Variants in SETBP1 observed in about 807,000 individuals in gnomAD.
The protein encoded by SETBP1 is SET-binding protein.
Under a neutral mutation model 101.0 loss-of-function variants are expected in SETBP1, and 9 were observed. The observed-to-expected ratio is 0.09, with a 90% CI of 0.05 to 0.16. The LOEUF (loss-of-function observed/expected upper bound fraction) is 0.16. SETBP1 is among the 10% of genes least tolerant of loss of function. SETBP1 has a pLI of 1.00. For missense variants in SETBP1, 1,858 were observed against 2,033.8 expected (o/e 0.91, Z 1.66); for synonymous variants, 818 against 788.5 (o/e 1.04, Z -0.63).
chr18:44,907,740 G>A (rs2070208419), intron 3 of SETBP1, among the ~76,000 whole-genome samples: 1 of 152,064 alleles, frequency 6.6e-6, no homozygotes, highest in African/African-American at 2.4e-5. Flanking sequence ...TATGTGTTCT[G>A]GATAGAAGTC....
At chr18:44,876,421 A>G in intron 3 of SETBP1, 2 of 616,462 alleles carry the variant, frequency 3.2e-6, no homozygotes, top group South Asian at 4.8e-5. Flanking sequence ...CCTTGGCTGC[A>G]GACAGGAATT....
At chr18:44,760,781 C>T (rs972337466) in intron 2 of SETBP1, among the ~76,000 whole-genome samples, 3 of 151,992 alleles carry the variant, frequency 2.0e-5, no homozygotes, top group East Asian at 3.9e-4. Context: ...TTTTTTAACT[C>T]GCAGTAAAAT....
intron 2 of SETBP1, among the ~76,000 whole-genome samples, chr18:44,722,297 G>A (rs199566478): frequency 1.2e-4 from 18 of 152,114 alleles, no homozygotes; most frequent in South Asian, 2.1e-4. Context: ...CACCATCTCC[G>A]GTCGCCTTTT....
intron 2 of SETBP1, among the ~76,000 whole-genome samples, chr18:44,858,599 T>C (rs947040831): frequency 1.3e-5 from 2 of 152,196 alleles, no homozygotes; most frequent in Admixed American, 6.5e-5. Flanking sequence ...GTGAAGGTTG[T>C]TTTTTGCAAA....
intron 4 of SETBP1, among the ~76,000 whole-genome samples, chr18:44,998,468 A>G (rs919456065): frequency 6.6e-6 from 1 of 152,266 alleles, no homozygotes; most frequent in Non-Finnish European, 1.5e-5. Context: ...TTGTATACAC[A>G]TAAACCCATG....
intron 2 of SETBP1, among the ~76,000 whole-genome samples, chr18:44,712,756 G>T (rs2069372503): frequency 6.6e-6 from 1 of 151,982 alleles, no homozygotes; most frequent in Non-Finnish European, 1.5e-5. Context: ...GATCCAGAAA[G>T]GGTCCTCGAA....
intron 2 of SETBP1, among the ~76,000 whole-genome samples, chr18:44,737,797 TG>T (rs914974084): frequency 6.6e-6 from 1 of 152,226 alleles, no homozygotes; most frequent in African/African-American, 2.4e-5. Flanking sequence ...GTAGTTGTGT[TG>T]GGCCTTTCCA....
At chr18:44,850,794 C>A (rs2072838646) in intron 2 of SETBP1, among the ~76,000 whole-genome samples, 1 of 152,228 alleles carries the variant, frequency 6.6e-6, no homozygotes, top group South Asian at 2.1e-4. Flanking sequence ...GCTTCCCAGA[C>A]CTCTAGGCAG....
At chr18:44,852,007 C>G (rs376108223) in intron 2 of SETBP1, among the ~76,000 whole-genome samples, 1 of 152,200 alleles carries the variant, frequency 6.6e-6, no homozygotes, top group Non-Finnish European at 1.5e-5. Context: ...TTCTAGGAAG[C>G]GAATAAGAGC....
chr18:44,865,314 AGCCACTCTGAGT>A (rs1427684919), intron 2 of SETBP1, among the ~76,000 whole-genome samples: 1 of 152,180 alleles, frequency 6.6e-6, no homozygotes, highest in Non-Finnish European at 1.5e-5. Flanking sequence ...GGAAAAGCAG[AGCCACTCTGAGT>A]GAAGGTAGAG....
At chr18:44,851,870 C>T (rs1329183536) in intron 2 of SETBP1, among the ~76,000 whole-genome samples, 2 of 152,210 alleles carry the variant, frequency 1.3e-5, no homozygotes, top group Non-Finnish European at 2.9e-5. Context: ...CTAAGCCTCA[C>T]ACCGGCGAGG....
intron 3 of SETBP1, among the ~76,000 whole-genome samples, chr18:44,923,999 C>T (rs560682095): frequency 6.6e-6 from 1 of 152,298 alleles, no homozygotes; most frequent in East Asian, 1.9e-4. Context: ...GGGAGACCCA[C>T]ACTCCAGTCC....
At chr18:44,900,641 C>G (rs974199911) in intron 3 of SETBP1, among the ~76,000 whole-genome samples, 5 of 152,178 alleles carry the variant, frequency 3.3e-5, no homozygotes, top group East Asian at 3.9e-4. Context: ...GTGTGCCCCC[C>G]AGACCAGCAG....
intron 3 of SETBP1, among the ~76,000 whole-genome samples, chr18:44,885,540 A>G (rs1161206831): frequency 8.5e-5 from 13 of 152,088 alleles, no homozygotes; most frequent in African/African-American, 3.1e-4. Context: ...CTTTTTGGTA[A>G]CACATGAACA....
intron 2 of SETBP1, among the ~76,000 whole-genome samples, chr18:44,795,441 T>C (rs944786833): frequency 6.6e-6 from 1 of 152,272 alleles, no homozygotes; most frequent in East Asian, 1.9e-4. Flanking sequence ...GTGGGAGTGA[T>C]TGAGCGGTTT....
chr18:44,797,885 C>A (rs1342427141), intron 2 of SETBP1, among the ~76,000 whole-genome samples: 1 of 152,148 alleles, frequency 6.6e-6, no homozygotes, highest in Non-Finnish European at 1.5e-5. Context: ...GATCTCATCT[C>A]AAATCCAGAG....
intron 2 of SETBP1, among the ~76,000 whole-genome samples, chr18:44,779,407 G>T (rs985373633): frequency 2.0e-5 from 3 of 152,220 alleles, no homozygotes; most frequent in Non-Finnish European, 4.4e-5. Context: ...GAGGTTTTAG[G>T]AGTGCAAGAA....
At chr18:44,755,815 G>A (rs2070479300) in intron 2 of SETBP1, among the ~76,000 whole-genome samples, 2 of 152,038 alleles carry the variant, frequency 1.3e-5, no homozygotes, top group African/African-American at 4.8e-5. Flanking sequence ...TGTCTCTCTG[G>A]AAGATCCTAA....
chr18:44,738,686 A>G (rs1170087712), intron 2 of SETBP1, among the ~76,000 whole-genome samples: 1 of 151,594 alleles, frequency 6.6e-6, no homozygotes, highest in Non-Finnish European at 1.5e-5. Flanking sequence ...AGCCAGGAGA[A>G]TCACTTGAAC....
Sources: gnomAD v4.1 joint callset for allele counts (sites outside exome capture counted in the v4.1 genomes callset) on GRCh38, gnomAD v4.1.1 for gene constraint, MANE v1.5 for transcripts, NCBI Gene and HGNC (gene_info 2026-07-23, HGNC 2026-07-21) for gene names.